The following PCCA variants were observed in gnomAD, a reference collection of about 807,000 sequenced individuals.
The protein encoded by PCCA is propionyl-CoA carboxylase alpha chain, mitochondrial.
PCCA carries 74 observed loss-of-function variants against 101.3 expected under a neutral mutation model. The ratio of observed to expected loss-of-function variants is 0.73; its 90% CI spans 0.61 to 0.89. PCCA has a LOEUF of 0.89. Among genes scored for constraint, PCCA ranks in the 40% least tolerant of loss-of-function variants. The pLI, the probability that PCCA is intolerant of heterozygous loss-of-function variation, is 0.00. For synonymous variants in PCCA, 294 were observed against 313.6 expected (o/e 0.94, Z 0.66); for missense variants, 891 against 907.0 (o/e 0.98, Z 0.23).
chr13:100,308,836 A>T (rs1465967572), intron 15 of PCCA, among the ~76,000 whole-genome samples: 1 of 152,210 alleles, frequency 6.6e-6, no homozygotes. Context: ...TACTAAAATA[A>T]TCACAATCTA....
chr13:100,263,023 C>A (rs1184669621), intron 10 of PCCA, among the ~76,000 whole-genome samples, 192 bp downstream of exon 10: 1 of 152,082 alleles, frequency 6.6e-6, no homozygotes, highest in African/African-American at 2.4e-5. Flanking sequence ...AAAATGCATT[C>A]CTAAGATAGC....
At chr13:100,434,006 G>C (rs1037354389) in intron 20 of PCCA, among the ~76,000 whole-genome samples, 1 of 152,214 alleles carries the variant, frequency 6.6e-6, no homozygotes, top group African/African-American at 2.4e-5. Context: ...AAGAATGTAA[G>C]TGAATGCTAG....
At chr13:100,092,558 T>C (rs1441327552) in intron 1 of PCCA, among the ~76,000 whole-genome samples, 1 of 152,110 alleles carries the variant, frequency 6.6e-6, no homozygotes, top group African/African-American at 2.4e-5. Context: ...ATTTTTTAAT[T>C]TTAATTTTTA....
Position 100,105,856 on chromosome 13 carries a change from AAAAAAAAAAAAAAAAAAAAAAG to A in PCCA, c.183+2901_183+2922del, listed in dbSNP as rs1161266043. Among the ~76,000 whole-genome samples the A allele has an allele frequency of 6.3e-5, 4 of 63,564 alleles. No homozygotes were observed. In the South Asian group the frequency reaches 3.3e-3, roughly 52 times the overall value. The allele number at this position is 63,564 out of a possible 152,430, so 41.7% of individuals were successfully genotyped here. A position where few individuals can be genotyped will look rare whatever the true frequency, so the allele number is the denominator to read the frequency against. ...CAAGATCCTGTCTCAAAAAAAAAAA[AAAAAAAAAAAAAAAAAAAAAAG>A]AAAAGAAAAGGAAAAAAAGAAACGG... is the stretch of plus-strand genomic sequence containing the variant. On this transcript the variant is annotated intron_variant, in intron 2 of 23. Coordinates refer to ENST00000376285, the MANE Select transcript of PCCA (RefSeq NM_000282.4).
At chr13:100,132,964 A>T (rs1427184190) in intron 4 of PCCA, among the ~76,000 whole-genome samples, 5 of 152,110 alleles carry the variant, frequency 3.3e-5, no homozygotes, top group Non-Finnish European at 5.9e-5. Flanking sequence ...TATTTTTACT[A>T]GAGACGGGGT....
chr13:100,149,983 A>G (rs999678772), intron 4 of PCCA, among the ~76,000 whole-genome samples: 1 of 152,226 alleles, frequency 6.6e-6, no homozygotes, highest in East Asian at 1.9e-4. Flanking sequence ...TAATTGACTA[A>G]TATGAAATTT....
intron 4 of PCCA, among the ~76,000 whole-genome samples, chr13:100,127,943 T>C (rs1473538378): frequency 6.6e-6 from 1 of 152,164 alleles, no homozygotes; most frequent in African/African-American, 2.4e-5. Context: ...CCTTATTCTA[T>C]GTTCCAGTGT....
intron 4 of PCCA, among the ~76,000 whole-genome samples, chr13:100,118,702 C>T (rs1306738477): frequency 4.6e-5 from 7 of 152,082 alleles, no homozygotes; most frequent in African/African-American, 1.7e-4. Context: ...GTGCATGCCA[C>T]CACGCCTGGC....
chr13:100,441,752 A>C (rs2080383916), intron 20 of PCCA, among the ~76,000 whole-genome samples: 1 of 152,180 alleles, frequency 6.6e-6, no homozygotes, highest in Non-Finnish European at 1.5e-5. Flanking sequence ...CTTAATTTTT[A>C]TGAAGAATTT....
intron 1 of PCCA, among the ~76,000 whole-genome samples, chr13:100,095,607 C>T (rs2046696507): frequency 1.3e-5 from 2 of 152,178 alleles, no homozygotes; most frequent in Admixed American, 1.3e-4. Flanking sequence ...ACTGAGCCAG[C>T]CAGCCATGTG....
intron 1 of PCCA, among the ~76,000 whole-genome samples, chr13:100,096,255 T>C (rs2046766452): frequency 1.3e-5 from 2 of 152,170 alleles, no homozygotes; most frequent in African/African-American, 4.8e-5. Flanking sequence ...CTGTGAAACA[T>C]TTTGATAATT....
intron 21 of PCCA, among the ~76,000 whole-genome samples, chr13:100,463,217 C>A (rs1304734456): frequency 1.3e-5 from 2 of 151,814 alleles, no homozygotes; most frequent in African/African-American, 4.8e-5. Flanking sequence ...CTGTTGGGGG[C>A]AAGATGACAC....
At chr13:100,105,771 G>A (rs2047710524) in intron 2 of PCCA, among the ~76,000 whole-genome samples, 2 of 138,612 alleles carry the variant, frequency 1.4e-5, no homozygotes, top group South Asian at 4.7e-4. Flanking sequence ...GAGCCCAGGA[G>A]GTCAGGGCTT....
At chr13:100,142,032 G>A (rs2051936140) in intron 4 of PCCA, among the ~76,000 whole-genome samples, 1 of 151,858 alleles carries the variant, frequency 6.6e-6, no homozygotes, top group Non-Finnish European at 1.5e-5. Flanking sequence ...AATAATACTT[G>A]GAAATTCATT....
chr13:100,358,320 T>G (rs2152795152), intron 18 of PCCA, among the ~76,000 whole-genome samples: 1 of 152,288 alleles, frequency 6.6e-6, no homozygotes, highest in East Asian at 1.9e-4. Flanking sequence ...ACAATACAGT[T>G]TACTTGGCAT....
chr13:100,418,583 G>A (rs569143469), intron 19 of PCCA, among the ~76,000 whole-genome samples: 3 of 152,296 alleles, frequency 2.0e-5, no homozygotes, highest in East Asian at 1.9e-4. Context: ...GCTCACACCT[G>A]TAATCGCAGC....
intron 6 of PCCA, among the ~76,000 whole-genome samples, chr13:100,164,788 C>T (rs568765492): frequency 6.6e-6 from 1 of 152,106 alleles, no homozygotes; most frequent in Admixed American, 6.5e-5. Context: ...ATCATCAGCT[C>T]CAGAACTTTA....
intron 19 of PCCA, among the ~76,000 whole-genome samples, chr13:100,413,015 C>G (rs2078146614): frequency 6.6e-6 from 1 of 152,108 alleles, no homozygotes; most frequent in Admixed American, 6.5e-5. Flanking sequence ...TTAGTATGTA[C>G]ATATTAGGAA....
intron 19 of PCCA, among the ~76,000 whole-genome samples, chr13:100,392,668 A>G (rs1421000066): frequency 2.0e-5 from 3 of 152,214 alleles, no homozygotes; most frequent in African/African-American, 7.2e-5. Context: ...CCAAACTGTC[A>G]TGGAATGCCT....
Sources: allele counts gnomAD v4.1 joint callset (sites outside exome capture counted in the v4.1 genomes callset), GRCh38; gene constraint gnomAD v4.1.1; transcripts MANE v1.5; gene names NCBI Gene and HGNC (gene_info 2026-07-23, HGNC 2026-07-21).